The following POLQ variants were observed in gnomAD, a reference collection of about 807,000 sequenced individuals.
The protein encoded by POLQ is epididymis secretory sperm binding protein.
In POLQ, 233 loss-of-function variants were observed where a neutral mutation model predicts 259.2. The ratio of observed to expected loss-of-function variants is 0.90; its 90% CI spans 0.81 to 1.00. The LOEUF (loss-of-function observed/expected upper bound fraction) is 1.00. Among genes scored for constraint, POLQ ranks in the 50% least tolerant of loss-of-function variants. The pLI is 0.00. For synonymous variants in POLQ, 1,025 were observed against 1,048.8 expected (o/e 0.98, Z 0.44); for missense variants, 2,871 against 3,051.6 (o/e 0.94, Z 1.39).
At chr3:121,520,203 T>A in intron 8 of POLQ, 120 bp from the exon 9 acceptor site, 1 of 653,792 alleles carries the variant, frequency 1.5e-6, no homozygotes, top group Non-Finnish European at 2.7e-6. Flanking sequence ...ACTATTGTTA[T>A]GACTGTTGAC....
Position 121,431,556 on chromosome 3 carries a change from G to C in POLQ, c.*748C>G, listed in dbSNP as rs2047492289. The C allele has an allele frequency of 6.6e-6, 1 of 152,460 alleles. No homozygotes were observed. Among genetic ancestry groups the C allele is most frequent in the South Asian group, 2.1e-4 (1 of 4,830 alleles). 9.4% of individuals were successfully genotyped at this position (152,460 alleles called of 1,614,324 possible). On this transcript the variant is annotated 3_prime_UTR_variant, in exon 30 of 30. Transcript: ENST00000264233. ...TGCCACAAACAGAAAGAGGCACTAA[G>C]GGACTGATAAGGGGGTATTTTCTGT...
At chr3:121,447,451 C>T (rs151241379) in intron 26 of POLQ, among the ~76,000 whole-genome samples, 2,519 of 152,236 alleles carry the variant, frequency 0.017, 264 homozygotes, top group Admixed American at 0.15. Flanking sequence ...GTGTGACCCA[C>T]CGCGCCTGGC....
chr3:121,448,967 A>G (rs2047651900), intron 26 of POLQ, among the ~76,000 whole-genome samples: 1 of 152,212 alleles, frequency 6.6e-6, no homozygotes, highest in South Asian at 2.1e-4. Context: ...ATATTTAATT[A>G]GCAATTATCA....
chr3:121,436,696 C>G (rs1323110762), intron 27 of POLQ, among the ~76,000 whole-genome samples: 2 of 151,936 alleles, frequency 1.3e-5, no homozygotes. Context: ...TAAGCACACC[C>G]TCTATACCAA....
rs1371718151 is a variant in POLQ at position 121,487,188 on chromosome 3, ATAC to A, written c.5629+111_5629+113del. On this transcript the variant is annotated intron_variant, in intron 16 of 29. Transcript: ENST00000264233. ...ACACATAAATCCACAGAGGAGATAC[ATAC>A]TACAACTTGAATAGATTATATTTAA... is the stretch of plus-strand genomic sequence containing the variant. 8.1e-6 allele frequency: 5 copies of A among 616,048 alleles called. No individual in the cohort carries two copies. In the African/African-American group the frequency reaches 9.2e-5, roughly 11 times the overall value. The allele number at this position is 616,048 out of a possible 1,614,324, so 38.2% of individuals were successfully genotyped here.
At chr3:121,513,678 CTCCCCAGAAGCTTCAACTAGCTTCTA>C (rs2048273054) in intron 9 of POLQ, among the ~76,000 whole-genome samples, 1 of 151,458 alleles carries the variant, frequency 6.6e-6, no homozygotes, top group Admixed American at 6.6e-5. Context: ...TACTACCCCC[CTCCCCAGAAGCTTCAACTAGCTTCTA>C]TCTGCAGACA....
intron 5 of POLQ, among the ~76,000 whole-genome samples, chr3:121,533,926 C>T (rs531660908): frequency 3.0e-4 from 34 of 114,530 alleles, no homozygotes; most frequent in Non-Finnish European, 3.4e-4. Flanking sequence ...TTTTTTGAGA[C>T]GGAGTCTTGC....
intron 2 of POLQ, among the ~76,000 whole-genome samples, chr3:121,543,705 C>T (rs576873284): frequency 5.9e-5 from 9 of 152,166 alleles, no homozygotes; most frequent in African/African-American, 1.9e-4. Context: ...CATATAGGGC[C>T]GGGCATGGTG....
In POLQ at chr3:121,494,533, C is replaced by T. The variant is rs1456994001; in HGVS notation, c.2279-812G>A. ...CTGTCCTTCGAACAGGAGTTAACAC[C>T]GTCACCACCTTGGTGGAGAACAAGA... On this transcript the variant is annotated intron_variant, in intron 14 of 29. Coordinates refer to ENST00000264233, the MANE Select transcript of POLQ (RefSeq NM_199420.4). The T allele has an allele frequency of 2.5e-5, 40 of 1,578,790 alleles. No individual in the cohort carries two copies. The Middle Eastern group carries it at 6.8e-4, about 27-fold the overall frequency.
At position 121,431,777 on chromosome 3, in the gene POLQ, C is replaced by T. The variant is rs559648878; in HGVS notation, c.*527G>A. On this transcript the variant is annotated 3_prime_UTR_variant, in exon 30 of 30. Coordinates refer to ENST00000264233, the MANE Select transcript of POLQ (RefSeq NM_199420.4). Reference sequence around the variant, plus strand: ...ACTCCAACCATACCAAGTCTTACTACTTTATAGAATTCATAATTTATTAGC... The same window carrying T: ...ACTCCAACCATACCAAGTCTTACTATTTTATAGAATTCATAATTTATTAGC... 1 of 152,768 alleles carries T rather than the reference C, an allele frequency of 6.5e-6. No individual in the cohort carries two copies. The highest frequency in any genetic ancestry group is 1.9e-4 in the East Asian group (1 of 5,190). The allele number at this position is 152,768 out of a possible 1,614,324, so 9.5% of individuals were successfully genotyped here.
chr3:121,543,553 G>A (rs996204696), intron 2 of POLQ, among the ~76,000 whole-genome samples: 8 of 152,154 alleles, frequency 5.3e-5, no homozygotes, highest in Non-Finnish European at 1.0e-4. Flanking sequence ...CGTCCTTACA[G>A]CCATAATGAA....
At chr3:121,494,715 C>T in intron 14 of POLQ, 3 of 1,581,260 alleles carry the variant, frequency 1.9e-6, no homozygotes, top group South Asian at 1.1e-5. Flanking sequence ...ACCACTGTCG[C>T]CTTCACACAG....
chr3:121,539,015 T>C lies in POLQ; in HGVS notation c.631+418A>G, dbSNP rs147419082. 3.7e-3 allele frequency among the ~76,000 whole-genome samples: 563 copies of C among 152,264 alleles called. 7 individuals are homozygous for C. The highest frequency in any genetic ancestry group is 7.4e-3 in the African/African-American group (308 of 41,556). On this transcript the variant is annotated intron_variant, in intron 4 of 29. Coordinates refer to ENST00000264233, the MANE Select transcript of POLQ (RefSeq NM_199420.4). Reference sequence around the variant, plus strand: ...TGTCAGTTTCTTTAGCTTCCTACCATTTCCATGCTAAATGACAGACTCTGG... The same window carrying C: ...TGTCAGTTTCTTTAGCTTCCTACCACTTCCATGCTAAATGACAGACTCTGG...
chr3:121,484,401 C>CCCATTCAA (rs2047993924), intron 17 of POLQ, among the ~76,000 whole-genome samples: 1 of 152,144 alleles, frequency 6.6e-6, no homozygotes, highest in Admixed American at 6.6e-5. Context: ...GGACAGAAGA[C>CCCATTCAA]TGAAAATAAA....
At chr3:121,449,069 TCA>T (rs1259412517) in intron 26 of POLQ, among the ~76,000 whole-genome samples, 1 of 152,210 alleles carries the variant, frequency 6.6e-6, no homozygotes, top group Non-Finnish European at 1.5e-5. Context: ...TATGGGTTGT[TCA>T]CAGTGACACA....
rs1437546043 is a variant in POLQ at position 121,519,855 on chromosome 3, A to C, written c.1468+16T>G. 4.4e-6 allele frequency: 6 copies of C among 1,374,190 alleles called. No individual in the cohort carries two copies. The highest frequency in any genetic ancestry group is 6.2e-6 in the Non-Finnish European group (6 of 961,728). The allele number at this position is 1,374,190 out of a possible 1,614,324, so 85.1% of individuals were successfully genotyped here. A position where few individuals can be genotyped will look rare whatever the true frequency, so the allele number is the denominator to read the frequency against. ...CCTTCAGCAATGCTGCTACAATTAA[A>C]TTCAAACTCACTTACCTACTGTGTC... On this transcript the variant is annotated intron_variant, in intron 9 of 29. Transcript: ENST00000264233.
chr3:121,525,646 GATATCA>G (rs2108814945), intron 7 of POLQ, among the ~76,000 whole-genome samples: 1 of 152,174 alleles, frequency 6.6e-6, no homozygotes, highest in South Asian at 2.1e-4. Flanking sequence ...TTTCAGTGCC[GATATCA>G]TAGAAGGGTC....
At chr3:121,442,728 G>A (rs1435843494) in intron 26 of POLQ, among the ~76,000 whole-genome samples, 1 of 152,188 alleles carries the variant, frequency 6.6e-6, no homozygotes, top group Admixed American at 6.5e-5. Flanking sequence ...CCTGGCTATT[G>A]TGAATAGTGC....
chr3:121,541,162 T>C (rs1431588417), intron 3 of POLQ, among the ~76,000 whole-genome samples, 187 bp downstream of exon 3: 1 of 152,254 alleles, frequency 6.6e-6, no homozygotes. Context: ...ATTACAGGCG[T>C]GAGCTACCAC....
Sources: allele counts gnomAD v4.1 joint callset (sites outside exome capture counted in the v4.1 genomes callset), GRCh38; gene constraint gnomAD v4.1.1; transcripts MANE v1.5; gene names NCBI Gene and HGNC (gene_info 2026-07-23, HGNC 2026-07-21).